The following EPS15 variants were observed in gnomAD, a reference collection of about 807,000 sequenced individuals.
EPS15 encodes epidermal growth factor receptor substrate 15.
A neutral mutation model predicts 113.8 loss-of-function variants in EPS15; 72 were observed. That is an observed-to-expected ratio of 0.63 (90% CI 0.52 to 0.77). The LOEUF (loss-of-function observed/expected upper bound fraction) is 0.77. EPS15 is among the 30% of genes least tolerant of loss of function. The pLI, the probability that EPS15 is intolerant of heterozygous loss-of-function variation, is 0.00. For missense variants in EPS15, 1,048 were observed against 1,045.8 expected (o/e 1.00, Z -0.03); for synonymous variants, 344 against 363.4 (o/e 0.95, Z 0.61).
chr1:51,400,971 CA>C lies in EPS15; in HGVS notation c.1883-19del. ...AGGATCACCTGTGATAAAATAAACACAAAGAAATCCAAATAACAATATTTAC... is the reference window on the plus strand; with the variant it reads ...AGGATCACCTGTGATAAAATAAACACAAGAAATCCAAATAACAATATTTAC... On this transcript the variant is annotated intron_variant, in intron 18 of 24. Coordinates refer to ENST00000371733, the MANE Select transcript of EPS15 (RefSeq NM_001981.3). 1 of 1,540,916 alleles carries C rather than the reference CA, an allele frequency of 6.5e-7. No homozygotes were observed. Among genetic ancestry groups the C allele is most frequent in the Non-Finnish European group, 8.8e-7 (1 of 1,132,350 alleles).
At chr1:51,479,639 A>G (rs889163810) in intron 2 of EPS15, among the ~76,000 whole-genome samples, 1 of 152,228 alleles carries the variant, frequency 6.6e-6, no homozygotes, top group Admixed American at 6.5e-5. Context: ...ACTTGTATGG[A>G]ATGTTTTTAC....
At chr1:51,448,191 CT>C in intron 8 of EPS15, 56 bp from the exon 9 acceptor site, 1 of 999,488 alleles carries the variant, frequency 1.0e-6, no homozygotes, top group Non-Finnish European at 1.5e-6. Flanking sequence ...CATCCACCCA[CT>C]GAATTGATTA....
At chr1:51,473,783 T>C (rs1042991770) in intron 2 of EPS15, among the ~76,000 whole-genome samples, 3 of 152,184 alleles carry the variant, frequency 2.0e-5, no homozygotes, top group Non-Finnish European at 4.4e-5. Context: ...AAACATATAC[T>C]GTACAAAGCA....
chr1:51,511,647 C>T (rs1644623525), intron 1 of EPS15, among the ~76,000 whole-genome samples: 1 of 152,134 alleles, frequency 6.6e-6, no homozygotes, highest in African/African-American at 2.4e-5. Flanking sequence ...GATAAGGATG[C>T]TGCAAAACAC....
chr1:51,403,871 T>C (rs1230959274), intron 16 of EPS15, among the ~76,000 whole-genome samples: 2 of 152,236 alleles, frequency 1.3e-5, no homozygotes, highest in Non-Finnish European at 2.9e-5. Context: ...CCAATTACTA[T>C]AGCAGTCTTC....
At chr1:51,396,110 T>C (rs1240538138) in intron 20 of EPS15, among the ~76,000 whole-genome samples, 1 of 152,230 alleles carries the variant, frequency 6.6e-6, no homozygotes, top group Non-Finnish European at 1.5e-5. Flanking sequence ...AAAGTAATGA[T>C]AGTATTAACT....
At chr1:51,366,073 T>C (rs889200994) in intron 21 of EPS15, 44 bp from the exon 22 acceptor site, 1 of 471,990 alleles carries the variant, frequency 2.1e-6, no homozygotes, top group South Asian at 5.0e-5. Context: ...CAGTAAGACA[T>C]TTTTTTTTTT....
At chr1:51,474,749 G>C (rs574454314) in intron 2 of EPS15, among the ~76,000 whole-genome samples, 115 of 151,884 alleles carry the variant, frequency 7.6e-4, no homozygotes, top group Non-Finnish European at 1.4e-3. Flanking sequence ...TGTTACATAT[G>C]TATACATGTG....
chr1:51,429,744 G>A (rs534127795), intron 12 of EPS15, among the ~76,000 whole-genome samples: 53 of 149,634 alleles, frequency 3.5e-4, no homozygotes, highest in African/African-American at 1.1e-3. Context: ...TCTGCCTCCC[G>A]CATTCAAGTG....
At chr1:51,372,321 G>A in intron 21 of EPS15, 1 of 528,638 alleles carries the variant, frequency 1.9e-6, no homozygotes, top group Non-Finnish European at 3.9e-6. Flanking sequence ...GCTCAGTGTG[G>A]TGGATCATTT....
intron 20 of EPS15, among the ~76,000 whole-genome samples, chr1:51,397,788 ATATTCT>A (rs1229744909): frequency 6.6e-6 from 1 of 152,250 alleles, no homozygotes; most frequent in African/African-American, 2.4e-5. Flanking sequence ...TTTAAAGGAA[ATATTCT>A]TAATCTAATA....
At chr1:51,412,131 C>G (rs932233913) in intron 13 of EPS15, among the ~76,000 whole-genome samples, 3 of 152,194 alleles carry the variant, frequency 2.0e-5, no homozygotes, top group African/African-American at 7.2e-5. Flanking sequence ...ACCACATGTT[C>G]TCACTCATAA....
intron 1 of EPS15, among the ~76,000 whole-genome samples, chr1:51,514,342 T>C (rs555693013): frequency 7.2e-5 from 11 of 152,256 alleles, no homozygotes; most frequent in South Asian, 6.2e-4. Flanking sequence ...GCCATTTACT[T>C]GGTTTTGGTT....
At chr1:51,423,941 G>A (rs1650990391) in intron 12 of EPS15, among the ~76,000 whole-genome samples, 1 of 152,172 alleles carries the variant, frequency 6.6e-6, no homozygotes, top group African/African-American at 2.4e-5. Context: ...GGGAGGAAGA[G>A]GAAGGGGAGG....
At chr1:51,452,458 T>C (rs1218482693) in intron 8 of EPS15, among the ~76,000 whole-genome samples, 1 of 152,068 alleles carries the variant, frequency 6.6e-6, no homozygotes, top group Non-Finnish European at 1.5e-5. Context: ...AATTTTTTTA[T>C]GTTTTGCAGA....
At chr1:51,493,059 C>G (rs1644263974) in intron 1 of EPS15, among the ~76,000 whole-genome samples, 1 of 150,692 alleles carries the variant, frequency 6.6e-6, no homozygotes, top group Admixed American at 6.6e-5. Context: ...AACCCCGTCT[C>G]TACTAAAAAT....
chr1:51,357,434 T>A (rs1354178423), intron 24 of EPS15, among the ~76,000 whole-genome samples: 10 of 115,896 alleles, frequency 8.6e-5, no homozygotes, highest in Non-Finnish European at 1.3e-4. Context: ...ATATTTTTTT[T>A]TTTTAAATGT....
At chr1:51,393,224 C>A (rs529039230) in intron 21 of EPS15, among the ~76,000 whole-genome samples, 1 of 151,374 alleles carries the variant, frequency 6.6e-6, no homozygotes, top group African/African-American at 2.4e-5. Context: ...TTAGAGCCAG[C>A]CTTTTTTTTG....
chr1:51,505,611 A>T (rs567481677), intron 1 of EPS15, among the ~76,000 whole-genome samples: 1 of 152,298 alleles, frequency 6.6e-6, no homozygotes, highest in South Asian at 2.1e-4. Context: ...GTATCTGTGA[A>T]GAGACTAAAA....
Sources: allele counts gnomAD v4.1 joint callset (sites outside exome capture counted in the v4.1 genomes callset), GRCh38; gene constraint gnomAD v4.1.1; transcripts MANE v1.5; gene names NCBI Gene and HGNC (gene_info 2026-07-23, HGNC 2026-07-21).